The following IKZF1 variants were observed in gnomAD, a reference collection of about 807,000 sequenced individuals.
IKZF1 encodes the protein DNA-binding protein Ikaros.
IKZF1 carries 10 observed loss-of-function variants against 51.7 expected under a neutral mutation model. The observed-to-expected ratio is 0.19, with a 90% CI of 0.12 to 0.33. The LOEUF (loss-of-function observed/expected upper bound fraction) is 0.33, where lower values mean the gene tolerates loss of function less well. Among genes scored for constraint, IKZF1 ranks in the 10% least tolerant of loss-of-function variants. The pLI is 1.00. For synonymous variants in IKZF1, 280 were observed against 282.3 expected (o/e 0.99, Z 0.08); for missense variants, 484 against 707.5 (o/e 0.68, Z 3.58).
intron 3 of IKZF1, among the ~76,000 whole-genome samples, chr7:50,373,875 A>G (rs144086728): frequency 8.7e-4 from 133 of 152,186 alleles, no homozygotes; most frequent in Non-Finnish European, 1.8e-3. Context: ...TTGCCTGCCT[A>G]TCTCCTTTAT....
intron 3 of IKZF1, among the ~76,000 whole-genome samples, chr7:50,349,639 G>A (rs899612929): frequency 6.6e-6 from 1 of 152,148 alleles, no homozygotes; most frequent in South Asian, 2.1e-4. Flanking sequence ...TATCCTGCAG[G>A]CAGTAACAGC....
chr7:50,378,162 T>C (rs773886236), intron 4 of IKZF1, among the ~76,000 whole-genome samples: 4 of 152,172 alleles, frequency 2.6e-5, no homozygotes, highest in Non-Finnish European at 5.9e-5. Flanking sequence ...ATCGGGCGGT[T>C]TTCAAAATGA....
rs765207454 is a variant in IKZF1, at chr7:50,382,780, G to A, written c.589+73G>A. 64 of 1,498,004 alleles carry A rather than the reference G, an allele frequency of 4.3e-5. No individual in the cohort carries two copies. In the African/African-American group the frequency reaches 4.7e-4, roughly 11 times the overall value. The allele number at this position is 1,498,004 out of a possible 1,614,324, so 92.8% of individuals were successfully genotyped here. A position where few individuals can be genotyped will look rare whatever the true frequency, so the allele number is the denominator to read the frequency against. On this transcript the variant is annotated intron_variant, in intron 5 of 7. Coordinates refer to ENST00000331340, the MANE Select transcript of IKZF1 (RefSeq NM_006060.6). ...CCTCCACTCTGCCCGCCTGGGTCCCGGATTGTGTCCTTGCTGGCTAACCCT... is the reference window on the plus strand; with the variant it reads ...CCTCCACTCTGCCCGCCTGGGTCCCAGATTGTGTCCTTGCTGGCTAACCCT...
chr7:50,362,517 T>C (rs140170005), intron 3 of IKZF1, among the ~76,000 whole-genome samples: 15 of 152,350 alleles, frequency 9.8e-5, no homozygotes, highest in African/African-American at 3.6e-4. Flanking sequence ...CTATGGGTCT[T>C]GAGGTCTTTG....
intron 3 of IKZF1, among the ~76,000 whole-genome samples, chr7:50,355,678 T>C (rs190442477): frequency 6.6e-6 from 1 of 151,828 alleles, no homozygotes; most frequent in East Asian, 1.9e-4. Flanking sequence ...CCTCAGAAAG[T>C]CCCAGTCAAA....
At chr7:50,364,661 G>A (rs1289713455) in intron 3 of IKZF1, among the ~76,000 whole-genome samples, 1 of 152,240 alleles carries the variant, frequency 6.6e-6, no homozygotes, top group Non-Finnish European at 1.5e-5. Context: ...CTCCAAGAGA[G>A]TGAGAAAAAG....
At chr7:50,334,980 A>G (rs1053811421) in intron 3 of IKZF1, among the ~76,000 whole-genome samples, 1 of 142,066 alleles carries the variant, frequency 7.0e-6, no homozygotes. Context: ...AGTAATATGT[A>G]TATGTGTGCA....
intron 3 of IKZF1, among the ~76,000 whole-genome samples, chr7:50,366,892 T>A (rs1807134129): frequency 6.6e-6 from 1 of 152,148 alleles, no homozygotes; most frequent in African/African-American, 2.4e-5. Context: ...ATGGAGGCAA[T>A]CAGTTTATGC....
In IKZF1 at chr7:50,368,266, T is replaced by C. The variant is rs916797844; in HGVS notation, c.161-8267T>C. 1.7e-5 allele frequency: 12 copies of C among 703,184 alleles called. No homozygotes were observed. Among genetic ancestry groups the C allele is most frequent in the African/African-American group, 1.6e-4 (9 of 57,238 alleles). The allele number at this position is 703,184 out of a possible 1,614,324, so 43.6% of individuals were successfully genotyped here. ...AGGTCTAGGCAGTTGTGCGGTGTCC[T>C]GGGAGCATGGCAGTGGAGTAACAGT... On this transcript the variant is annotated intron_variant, in intron 3 of 7. Transcript: ENST00000331340.
rs558612747 is a variant in IKZF1, at chr7:50,350,210, C to T, written c.160+22453C>T. On this transcript the variant is annotated intron_variant, in intron 3 of 7. Coordinates refer to ENST00000331340, the MANE Select transcript of IKZF1 (RefSeq NM_006060.6). ...TGTTGATGCTGTATCCTTGAAGGGA[C>T]CGTGGTCTGACATCCTGTGATGCAG... is the stretch of plus-strand genomic sequence containing the variant. Among the ~76,000 whole-genome samples the T allele has an allele frequency of 3.3e-5, 5 of 152,318 alleles. 1 individual carries two copies. The South Asian group carries it at 1.0e-3, about 32-fold the overall frequency.
At chr7:50,336,707 G>A (rs990277639) in intron 3 of IKZF1, among the ~76,000 whole-genome samples, 5 of 152,204 alleles carry the variant, frequency 3.3e-5, no homozygotes, top group African/African-American at 7.2e-5. Context: ...TGTCCACTTC[G>A]GTGACTGGGG....
In IKZF1 at chr7:50,402,142, T is replaced by C. The variant is rs1352009968; in HGVS notation, c.*1515T>C. Reference sequence around the variant, plus strand: ...CAACAAGCAAGGGTCTCCTTCAAGATTAATGCTATCAATCATTAAGGTCAT... The same window carrying C: ...CAACAAGCAAGGGTCTCCTTCAAGACTAATGCTATCAATCATTAAGGTCAT... On this transcript the variant is annotated 3_prime_UTR_variant, in exon 8 of 8. Coordinates refer to ENST00000331340, the MANE Select transcript of IKZF1 (RefSeq NM_006060.6). 1.3e-5 allele frequency: 3 copies of C among 230,668 alleles called. No individual in the cohort carries two copies. Among genetic ancestry groups the C allele is most frequent in the African/African-American group, 6.6e-5 (3 of 45,182 alleles). 14.3% of individuals were successfully genotyped at this position (230,668 alleles called of 1,614,324 possible).
At chr7:50,344,940 A>G (rs1331525124) in intron 3 of IKZF1, among the ~76,000 whole-genome samples, 2 of 151,966 alleles carry the variant, frequency 1.3e-5, no homozygotes, top group East Asian at 3.9e-4. Context: ...ATTTAAATCA[A>G]ATATATTAGG....
At chr7:50,368,129 G>C in intron 3 of IKZF1, 2 of 703,210 alleles carry the variant, frequency 2.8e-6, no homozygotes, top group South Asian at 3.0e-5. Flanking sequence ...TGTAAATATC[G>C]TACGTGCATG....
At chr7:50,350,424 G>A (rs1801561461) in intron 3 of IKZF1, among the ~76,000 whole-genome samples, 1 of 152,196 alleles carries the variant, frequency 6.6e-6, no homozygotes, top group Admixed American at 6.5e-5. Flanking sequence ...TGGGAATTTA[G>A]TGAACTGAAC....
At chr7:50,356,008 A>T (rs774684206) in intron 3 of IKZF1, among the ~76,000 whole-genome samples, 1 of 152,318 alleles carries the variant, frequency 6.6e-6, no homozygotes, top group East Asian at 1.9e-4. Flanking sequence ...CGAACAGAAA[A>T]TGCCACAGAT....
At chr7:50,362,893 G>A (rs1332456112) in intron 3 of IKZF1, among the ~76,000 whole-genome samples, 3 of 152,188 alleles carry the variant, frequency 2.0e-5, no homozygotes, top group Non-Finnish European at 4.4e-5. Context: ...ATGCCAGACG[G>A]TGGACAGGAA....
intron 3 of IKZF1, chr7:50,368,106 T>G (rs1275685767): frequency 1.4e-6 from 1 of 703,590 alleles, no homozygotes; most frequent in East Asian, 2.7e-5. Context: ...AAGCATGCCT[T>G]CATCTCCTAT....
chr7:50,399,849 C>T, intron 7 of IKZF1, 69 bp from the exon 8 acceptor site: 1 of 1,523,354 alleles, frequency 6.6e-7, no homozygotes, highest in Non-Finnish European at 8.8e-7. Context: ...TAGATTTCAG[C>T]TGTTGCTGCC....
Sources: allele counts gnomAD v4.1 joint callset (sites outside exome capture counted in the v4.1 genomes callset), GRCh38; gene constraint gnomAD v4.1.1; transcripts MANE v1.5; gene names NCBI Gene and HGNC (gene_info 2026-07-23, HGNC 2026-07-21).